The following PTGER4 variants were observed in gnomAD, a reference collection of about 807,000 sequenced individuals.
The protein encoded by PTGER4 is prostaglandin E2 receptor EP4 subtype.
Under a neutral mutation model 33.2 loss-of-function variants are expected in PTGER4, and 11 were observed. That is an observed-to-expected ratio of 0.33 (90% confidence interval 0.21 to 0.55). PTGER4 has a LOEUF of 0.55. Among genes scored for constraint, PTGER4 ranks in the 20% least tolerant of loss-of-function variants. The pLI is 0.92. For missense variants in PTGER4, 481 were observed against 650.2 expected (o/e 0.74, Z 2.83); for synonymous variants, 275 against 281.5 (o/e 0.98, Z 0.23).
chr5:40,725,602 G>A, the PTGER4 span, among the ~76,000 whole-genome samples: 1 of 152,134 alleles, frequency 6.6e-6, no homozygotes, highest in Non-Finnish European at 1.5e-5. Flanking sequence ...ACTGAAGGCT[G>A]AGAACCCTGG....
the PTGER4 span, among the ~76,000 whole-genome samples, chr5:40,730,572 T>A: frequency 2.5e-3 from 379 of 152,250 alleles, no homozygotes; most frequent in African/African-American, 8.8e-3. Context: ...TGAAACTCCA[T>A]ACCCATTAAA....
chr5:40,721,277 G>A, the PTGER4 span, among the ~76,000 whole-genome samples: 1 of 152,114 alleles, frequency 6.6e-6, no homozygotes, highest in Admixed American at 6.5e-5. Flanking sequence ...TCCCTGAGCT[G>A]GGCACAAAGT....
At position 40,681,290 on chromosome 5, in the gene PTGER4, G is replaced by T; in HGVS notation, c.297G>T (p.Leu99=). The T allele has an allele frequency of 1.2e-6, 2 of 1,614,182 alleles. No individual in the cohort carries two copies. The highest frequency in any genetic ancestry group is 1.7e-6 in the Non-Finnish European group (2 of 1,180,042). Residue 99 remains leucine (L), a synonymous_variant, in exon 2 of 3, where the codon CTG becomes CTT. Transcript: ENST00000302472. This position sits in a 1 kb window ranked among gnomAD's most constrained non-coding sequence, Gnocchi z 9.8. ...QPLCEYSTFI[L]LFFSLSGLSI... ...TGTGCGAGTACAGCACCTTCATTCTGCTCTTCTTCAGCCTGTCCGGCCTCA... is the reference window on the plus strand; with the variant it reads ...TGTGCGAGTACAGCACCTTCATTCTTCTCTTCTTCAGCCTGTCCGGCCTCA...
chr5:40,694,158 C>A (rs1418750143), downstream of PTGER4, among the ~76,000 whole-genome samples: 3 of 152,162 alleles, frequency 2.0e-5, no homozygotes, highest in Non-Finnish European at 4.4e-5. Context: ...TCAAGCAATT[C>A]TCATGCCTCA....
chr5:40,716,071 G>C, the PTGER4 span: 1 of 1,261,686 alleles, frequency 7.9e-7, no homozygotes, highest in Non-Finnish European at 1.1e-6. Context: ...TCTATCTCCA[G>C]AGTAAATGTC....
At chr5:40,730,385 G>C in the PTGER4 span, 1 of 1,539,756 alleles carries the variant, frequency 6.5e-7, no homozygotes, top group Non-Finnish European at 8.9e-7. Flanking sequence ...TTTTCAATAT[G>C]CTTTTTTGGA....
At chr5:40,716,692 AAAGT>A in the PTGER4 span, among the ~76,000 whole-genome samples, 1 of 152,234 alleles carries the variant, frequency 6.6e-6, no homozygotes, top group East Asian at 1.9e-4. Flanking sequence ...AGTGTGAAAG[AAAGT>A]GACTGACAAT....
chr5:40,697,222 GAAGAAAAGA>G (rs1269140779), downstream of PTGER4, among the ~76,000 whole-genome samples: 1 of 77,302 alleles, frequency 1.3e-5, no homozygotes, highest in African/African-American at 4.8e-5. Flanking sequence ...GAAAAAGAAA[GAAGAAAAGA>G]AAGAAAGAAA....
At chr5:40,710,933 G>A in the PTGER4 span, among the ~76,000 whole-genome samples, 1 of 152,034 alleles carries the variant, frequency 6.6e-6, no homozygotes, top group East Asian at 1.9e-4. Flanking sequence ...GTTGTGTGGT[G>A]GGGGGAAAGG....
At chr5:40,740,432 C>A in the PTGER4 span, among the ~76,000 whole-genome samples, 1 of 151,964 alleles carries the variant, frequency 6.6e-6, no homozygotes, top group Admixed American at 6.6e-5. Flanking sequence ...TCTAAGTTGG[C>A]AGTTTTACTT....
At chr5:40,741,712 C>T in the PTGER4 span, among the ~76,000 whole-genome samples, 3 of 152,150 alleles carry the variant, frequency 2.0e-5, no homozygotes, top group East Asian at 1.9e-4. Context: ...AGCTCAGCCA[C>T]GCACGGTAGC....
At position 40,693,250 on chromosome 5, in the gene PTGER4, TA is replaced by T; in HGVS notation, c.*877del. On this transcript the variant is annotated 3_prime_UTR_variant, in exon 3 of 3. Transcript: ENST00000302472. Reference sequence around the variant, plus strand: ...TTTTTCCCTCACTAATTGGTACTTTTAAAAACATAACATAAATTTTTTGAAG... The same window carrying T: ...TTTTTCCCTCACTAATTGGTACTTTTAAAACATAACATAAATTTTTTGAAG... 1 of 982,726 alleles carries T rather than the reference TA, an allele frequency of 1.0e-6. No individual in the cohort carries two copies. Among genetic ancestry groups the T allele is most frequent in the Non-Finnish European group, 1.2e-6 (1 of 827,102 alleles). The allele number at this position is 982,726 out of a possible 1,614,324, so 60.9% of individuals were successfully genotyped here.
chr5:40,743,701 G>A, the PTGER4 span, among the ~76,000 whole-genome samples: 1 of 152,156 alleles, frequency 6.6e-6, no homozygotes, highest in Non-Finnish European at 1.5e-5. Flanking sequence ...TTAAACCTAG[G>A]AGAAGGAGGT....
At chr5:40,685,501 T>G (rs1741301375) in intron 2 of PTGER4, 1 of 969,026 alleles carries the variant, frequency 1.0e-6, no homozygotes, top group Non-Finnish European at 1.2e-6. Context: ...TATGACAGAA[T>G]CTAAAAGACT....
At chr5:40,735,286 T>C in the PTGER4 span, among the ~76,000 whole-genome samples, 1 of 152,092 alleles carries the variant, frequency 6.6e-6, no homozygotes, top group Non-Finnish European at 1.5e-5. Context: ...GAATAGACAG[T>C]AAGGGTACAA....
chr5:40,680,941 C>T lies in PTGER4; in HGVS notation c.-43-10C>T, dbSNP rs1355082213. The T allele has an allele frequency of 4.5e-6, 7 of 1,551,080 alleles. No individual in the cohort carries two copies. In the South Asian group the frequency reaches 7.4e-5, roughly 16 times the overall value. The stretch of plus-strand genomic sequence containing the variant: ...TCACGGCAGCTTTGTCTCTCTTCTA[C>T]CATCCCCAGACCCAGCCTTGCACTC... On this transcript the variant is annotated splice_polypyrimidine_tract_variant and intron_variant, in intron 1 of 2. Transcript: ENST00000302472. This position sits in a 1 kb window ranked among gnomAD's most constrained non-coding sequence, Gnocchi z 5.5.
chr5:40,711,321 A>G, the PTGER4 span, among the ~76,000 whole-genome samples: 1 of 152,132 alleles, frequency 6.6e-6, no homozygotes, highest in Admixed American at 6.6e-5. Context: ...GCATATTAAA[A>G]CCACAATGAA....
chr5:40,741,749 G>A, the PTGER4 span, among the ~76,000 whole-genome samples: 2 of 152,144 alleles, frequency 1.3e-5, no homozygotes, highest in African/African-American at 4.8e-5. Flanking sequence ...AGCACTCTGG[G>A]TGGCCAAGAA....
chr5:40,738,567 TATAAA>T, the PTGER4 span, among the ~76,000 whole-genome samples: 145 of 67,438 alleles, frequency 2.2e-3, no homozygotes, highest in Middle Eastern at 8.6e-3. Flanking sequence ...TAAAATAAAA[TATAAA>T]ATAAAATAAA....
Sources: gnomAD v4.1 joint callset for allele counts (sites outside exome capture counted in the v4.1 genomes callset) on GRCh38, gnomAD v4.1.1 for gene constraint, Gnocchi (gnomAD v3.1) non-coding constraint, MANE v1.5 for transcripts, NCBI Gene and HGNC (gene_info 2026-07-23, HGNC 2026-07-21) for gene names.